SRPK2: variants seen among roughly 807,000 people sequenced by gnomAD.
SRPK2 encodes SRSF protein kinase 2, also known as SFRS protein kinase 2.
SRPK2 carries 21 observed loss-of-function variants against 90.8 expected under a neutral mutation model. The observed-to-expected ratio is 0.23, with a 90% CI of 0.16 to 0.33. The LOEUF (loss-of-function observed/expected upper bound fraction) is 0.33, where lower values mean the gene tolerates loss of function less well. Ranked by LOEUF, SRPK2 falls within the 10% of genes least tolerant of loss-of-function variation. SRPK2 has a pLI of 1.00. For synonymous variants in SRPK2, 288 were observed against 311.1 expected, an observed-to-expected ratio of 0.93 and a Z score of 0.78; for missense variants, 620 against 869.0, an observed-to-expected ratio of 0.71 and a Z score of 3.60.
chr7:105,306,586 AAC>A (rs1344359509), intron 2 of SRPK2: 1 of 422,044 alleles, frequency 2.4e-6, no homozygotes. Context: ...ACAAAGAAAA[AAC>A]AGTCATGAAG....
At position 105,124,640 on chromosome 7, in the gene SRPK2, T is replaced by TAAA. The variant is rs57925635; in HGVS notation, c.1915+1605_1915+1607dup. 3.8e-4 allele frequency among the ~76,000 whole-genome samples: 20 copies of TAAA among 52,934 alleles called. 3 individuals carry two copies. The highest frequency in any genetic ancestry group is 7.4e-4 in the African/African-American group (12 of 16,254). The allele number at this position is 52,934 out of a possible 152,430, so 34.7% of individuals were successfully genotyped here. ...TGGACAACAAGAGCAAAACTCCATCTAAAAAAAAAAAAAAAAAAATCAATG... is the reference window on the plus strand; with the variant it reads ...TGGACAACAAGAGCAAAACTCCATCTAAAAAAAAAAAAAAAAAAAAAATCAATG... On this transcript the variant is annotated intron_variant, in intron 15 of 15. Transcript: ENST00000393651.
chr7:105,200,858 G>A (rs1032264436), intron 3 of SRPK2, among the ~76,000 whole-genome samples: 21 of 152,152 alleles, frequency 1.4e-4, no homozygotes, highest in African/African-American at 5.1e-4. Context: ...CAGAATATGC[G>A]CTTCTGCCAC....
chr7:105,350,618 C>T (rs565949856), intron 2 of SRPK2, among the ~76,000 whole-genome samples: 18 of 151,360 alleles, frequency 1.2e-4, no homozygotes, highest in African/African-American at 4.1e-4. Context: ...CCGCCTCCCC[C>T]GTTTCAAGTA....
At chr7:105,275,045 G>A (rs1806307693) in intron 2 of SRPK2, among the ~76,000 whole-genome samples, 1 of 151,900 alleles carries the variant, frequency 6.6e-6, no homozygotes, top group African/African-American at 2.4e-5. Flanking sequence ...CCGCCACCAC[G>A]CCTGACAAAT....
intron 2 of SRPK2, among the ~76,000 whole-genome samples, chr7:105,382,627 T>C (rs962059733): frequency 6.7e-5 from 10 of 148,450 alleles, no homozygotes; most frequent in Non-Finnish European, 1.3e-4. Flanking sequence ...CTCAAGGGCA[T>C]TACGCTGCAT....
At chr7:105,315,195 G>A (rs547332366) in intron 2 of SRPK2, among the ~76,000 whole-genome samples, 1 of 152,194 alleles carries the variant, frequency 6.6e-6, no homozygotes, top group South Asian at 2.1e-4. Flanking sequence ...TGAAAGTCAA[G>A]TATTTTTTCC....
intron 2 of SRPK2, among the ~76,000 whole-genome samples, chr7:105,314,697 G>A (rs1812119525): frequency 6.6e-6 from 1 of 152,160 alleles, no homozygotes; most frequent in South Asian, 2.1e-4. Context: ...AACATATTTT[G>A]TAAATGCCGG....
upstream of SRPK2, among the ~76,000 whole-genome samples, chr7:105,389,622 A>G (rs1822088852): frequency 6.6e-6 from 1 of 152,202 alleles, no homozygotes; most frequent in Non-Finnish European, 1.5e-5. Context: ...AACAACAATC[A>G]CACCAAGTAG....
chr7:105,162,774 T>G (rs1304007996), intron 6 of SRPK2, among the ~76,000 whole-genome samples: 1 of 152,200 alleles, frequency 6.6e-6, no homozygotes, highest in African/African-American at 2.4e-5. Context: ...CTAAGTCTTC[T>G]CAAAGCACTG....
chr7:105,279,211 G>T (rs534148644), intron 2 of SRPK2, among the ~76,000 whole-genome samples: 1 of 152,136 alleles, frequency 6.6e-6, no homozygotes, highest in East Asian at 1.9e-4. Flanking sequence ...CGGGCGGCGG[G>T]GGGAGGAGGG....
intron 2 of SRPK2, chr7:105,306,573 T>C (rs1438288947): frequency 2.4e-6 from 1 of 425,118 alleles, no homozygotes; most frequent in Non-Finnish European, 4.6e-6. Context: ...GTACTCCACC[T>C]GAACAAAGAA....
At chr7:105,288,614 CA>C (rs893376535) in intron 2 of SRPK2, among the ~76,000 whole-genome samples, 8 of 151,924 alleles carry the variant, frequency 5.3e-5, no homozygotes, top group Non-Finnish European at 1.0e-4. Flanking sequence ...TAAACAACAA[CA>C]AAAAAAATAT....
intron 3 of SRPK2, among the ~76,000 whole-genome samples, chr7:105,196,664 G>A (rs1461840570): frequency 6.6e-6 from 1 of 152,154 alleles, no homozygotes; most frequent in African/African-American, 2.4e-5. Flanking sequence ...ACATTACTTG[G>A]CTGTACAAAT....
chr7:105,273,981 A>G (rs564867427), intron 2 of SRPK2, among the ~76,000 whole-genome samples: 1 of 152,210 alleles, frequency 6.6e-6, no homozygotes, highest in Non-Finnish European at 1.5e-5. Flanking sequence ...TGAATTTATA[A>G]AGGGGAAATC....
intron 3 of SRPK2, among the ~76,000 whole-genome samples, chr7:105,171,002 AAAGAAAGAAAGAG>A (rs1791042624): frequency 4.5e-5 from 6 of 132,020 alleles, no homozygotes; most frequent in African/African-American, 7.7e-5. Flanking sequence ...AAAGAGAAAG[AAAGAAAGAAAGAG>A]AGGAAGGAAG....
At chr7:105,377,407 G>C (rs544633350) in intron 2 of SRPK2, among the ~76,000 whole-genome samples, 3 of 152,076 alleles carry the variant, frequency 2.0e-5, no homozygotes, top group Non-Finnish European at 4.4e-5. Context: ...AAAAAGGCTG[G>C]CCAGGCTGGG....
chr7:105,370,019 C>T (rs1819520888), intron 2 of SRPK2, among the ~76,000 whole-genome samples: 1 of 81,242 alleles, frequency 1.2e-5, no homozygotes, highest in South Asian at 4.9e-4. Context: ...AAGAGCAAGA[C>T]TCCATCTCAA....
intron 8 of SRPK2, among the ~76,000 whole-genome samples, chr7:105,146,266 T>A (rs545882205): frequency 6.9e-4 from 105 of 152,358 alleles, no homozygotes; most frequent in African/African-American, 2.5e-3. Flanking sequence ...AAGCAGCAAC[T>A]ACAAATTTAA....
intron 15 of SRPK2, chr7:105,125,651 G>C (rs181204756): frequency 5.5e-6 from 2 of 362,308 alleles, no homozygotes; most frequent in Admixed American, 4.2e-5. Flanking sequence ...TTTATTTCTT[G>C]AGAGCTTTCT....
Sources: allele counts gnomAD v4.1 joint callset (sites outside exome capture counted in the v4.1 genomes callset), GRCh38; gene constraint gnomAD v4.1.1; transcripts MANE v1.5; gene names NCBI Gene and HGNC (gene_info 2026-07-23, HGNC 2026-07-21).